Variants in SS18 observed in about 807,000 individuals in gnomAD.
SS18 encodes protein SSXT.
In SS18, 28 loss-of-function variants were observed where a neutral mutation model predicts 72.5. The ratio of observed to expected loss-of-function variants is 0.39; its 90% confidence interval spans 0.29 to 0.53. The LOEUF (loss-of-function observed/expected upper bound fraction) is 0.53, where lower values mean the gene tolerates loss of function less well. SS18 is among the 20% of genes least tolerant of loss of function. SS18 has a pLI of 0.76. For synonymous variants in SS18, 172 were observed against 164.2 expected (o/e 1.05, Z -0.37); for missense variants, 518 against 535.3 (o/e 0.97, Z 0.32).
chr18:26,047,505 C>T (rs2053847023), intron 5 of SS18, among the ~76,000 whole-genome samples: 1 of 151,986 alleles, frequency 6.6e-6, no homozygotes, highest in African/African-American at 2.4e-5. Flanking sequence ...ATGAATATTA[C>T]CATTTCAGAA....
rs1383345474 is a variant in SS18, at chr18:26,080,427, T to TCATGATAC, written c.147-2268_147-2267insGTATCATG. Reference sequence around the variant, plus strand: ...CAGATGTGGTTTATTCATGACCCTTTAAGAAAAAATTTTAGTATCATGTTG... The same window carrying TCATGATAC: ...CAGATGTGGTTTATTCATGACCCTTTCATGATACAAGAAAAAATTTTAGTATCATGTTG... On this transcript the variant is annotated intron_variant, in intron 2 of 10. Coordinates refer to ENST00000415083, the MANE Select transcript of SS18 (RefSeq NM_001007559.3). 3.1e-6 allele frequency: 3 copies of TCATGATAC among 981,756 alleles called. No individual in the cohort carries two copies. The African/African-American group carries it at 5.2e-5, about 17-fold the overall frequency. The allele number at this position is 981,756 out of a possible 1,614,324, so 60.8% of individuals were successfully genotyped here.
At chr18:26,083,267 A>C (rs972273048) in intron 2 of SS18, among the ~76,000 whole-genome samples, 21 of 152,098 alleles carry the variant, frequency 1.4e-4, no homozygotes, top group African/African-American at 5.1e-4. Flanking sequence ...TCATATATAT[A>C]TATCTGAAAA....
At chr18:26,040,132 C>T (rs1290331479) in intron 5 of SS18, among the ~76,000 whole-genome samples, 1 of 152,170 alleles carries the variant, frequency 6.6e-6, no homozygotes, top group Non-Finnish European at 1.5e-5. Context: ...TAAAGACTCT[C>T]ACACCTCTAA....
At chr18:26,072,796 CAAAA>C (rs71169810) in intron 3 of SS18, among the ~76,000 whole-genome samples, 5 of 32,744 alleles carry the variant, frequency 1.5e-4, no homozygotes, top group Non-Finnish European at 1.9e-4. Flanking sequence ...GACTCCGTCT[CAAAA>C]AAAAAAAAAA....
intron 3 of SS18, among the ~76,000 whole-genome samples, chr18:26,069,764 C>A (rs1403034052): frequency 1.3e-5 from 2 of 152,118 alleles, no homozygotes; most frequent in African/African-American, 4.8e-5. Flanking sequence ...CCAAGTTTTT[C>A]TCAAAGAAAC....
In SS18 at chr18:26,057,659, A is replaced by C. The variant is rs778444908; in HGVS notation, c.315T>G (p.Pro105=). Residue 105 remains proline, a synonymous_variant, in exon 4 of 11, where the codon CCT becomes CCG. Transcript: ENST00000415083. ...PPPPPRSHNM[P]SDGMVGGGPP... is the part of the protein sequence containing the mutation. Reference sequence around the variant, plus strand: ...GACCCCCACCTACCATTCCATCTGAAGGCATGTTGTGAGAGCGTGGAGGTG... The same window carrying C: ...GACCCCCACCTACCATTCCATCTGACGGCATGTTGTGAGAGCGTGGAGGTG... The C allele has an allele frequency of 4.3e-6, 7 of 1,613,998 alleles. No homozygotes were observed. The Admixed American group carries it at 1.2e-4, about 27-fold the overall frequency.
chr18:26,050,989 A>T (rs1416528938), intron 5 of SS18, among the ~76,000 whole-genome samples: 2 of 152,144 alleles, frequency 1.3e-5, no homozygotes, highest in African/African-American at 4.8e-5. Flanking sequence ...AATTGTCTTT[A>T]ATCTCTTCAG....
At position 26,025,549 on chromosome 18, in the gene SS18, T is replaced by C. The variant is rs145076796; in HGVS notation, c.1230+6850A>G. ...AGAGAGGTAATATCACTACAGATTA[T>C]GGAGATATTGAGCGATGATAAAGAA... On this transcript the variant is annotated intron_variant, in intron 10 of 10. Coordinates refer to ENST00000415083, the MANE Select transcript of SS18 (RefSeq NM_001007559.3). Among the ~76,000 whole-genome samples, 36 of 152,188 alleles carry C rather than the reference T, an allele frequency of 2.4e-4. 1 individual carries two copies. Among genetic ancestry groups the C allele is most frequent in the African/African-American group, 7.0e-4 (29 of 41,554 alleles).
chr18:26,082,293 G>T, intron 2 of SS18: 2 of 768,198 alleles, frequency 2.6e-6, no homozygotes, highest in Non-Finnish European at 3.2e-6. Context: ...AAGTAAAATG[G>T]ACACTCTATT....
intron 1 of SS18, among the ~76,000 whole-genome samples, chr18:26,088,681 A>C (rs2054659730): frequency 6.6e-6 from 1 of 152,156 alleles, no homozygotes; most frequent in Non-Finnish European, 1.5e-5. Flanking sequence ...CATTTTGAGC[A>C]AGTCACTTAA....
chr18:26,074,433 T>C (rs2054372419), intron 3 of SS18, among the ~76,000 whole-genome samples: 1 of 152,082 alleles, frequency 6.6e-6, no homozygotes, highest in Non-Finnish European at 1.5e-5. Context: ...GAGACTGCAT[T>C]TTCTGCTACA....
chr18:26,034,381 C>G (rs1385198947), intron 9 of SS18, among the ~76,000 whole-genome samples: 2 of 152,080 alleles, frequency 1.3e-5, no homozygotes, highest in Non-Finnish European at 2.9e-5. Flanking sequence ...CCTCGTCATT[C>G]CCCACTCCCT....
In SS18 at chr18:26,057,623, C is replaced by T. The variant is rs200977381; in HGVS notation, c.351G>A (p.Pro117=). ...DGMVGGGPPA[P]HMQNQMNGQM... ...GGCCGTTCATCTGGTTCTGCATGTG[C>T]GGTGCAGGAGGACCCCCACCTACCA... Residue 117 remains proline (P), a synonymous_variant, in exon 4 of 11, where the codon CCG becomes CCA. Coordinates refer to ENST00000415083, the MANE Select transcript of SS18 (RefSeq NM_001007559.3). The T allele has an allele frequency of 1.3e-5, 21 of 1,613,962 alleles. No homozygotes were observed. Among genetic ancestry groups the T allele is most frequent in the East Asian group, 1.1e-4 (5 of 44,880 alleles).
chr18:26,020,055 T>A (rs2053321148), intron 10 of SS18, among the ~76,000 whole-genome samples: 1 of 152,196 alleles, frequency 6.6e-6, no homozygotes, highest in African/African-American at 2.4e-5. Flanking sequence ...TTTCTATATG[T>A]GTTTAAAATA....
intron 7 of SS18, among the ~76,000 whole-genome samples, chr18:26,037,940 A>C (rs897050324): frequency 1.3e-5 from 2 of 152,094 alleles, no homozygotes; most frequent in Admixed American, 6.6e-5. Flanking sequence ...GCCACTTTCT[A>C]CAAAAAAACA....
intron 5 of SS18, among the ~76,000 whole-genome samples, chr18:26,047,259 C>CAAAAAAAAAAA (rs71169806): frequency 4.0e-5 from 3 of 75,716 alleles, no homozygotes; most frequent in South Asian, 6.0e-4. Flanking sequence ...AGTAATATGC[C>CAAAAAAAAAAA]AAAAAAAAAA....
At chr18:26,019,751 C>T (rs564858040) in intron 10 of SS18, among the ~76,000 whole-genome samples, 10 of 124,608 alleles carry the variant, frequency 8.0e-5, no homozygotes, top group African/African-American at 2.8e-4. Flanking sequence ...GCGGAGGTTG[C>T]ACTGCACTCT....
At chr18:26,090,183 C>CT in intron 1 of SS18, 1 of 415,470 alleles carries the variant, frequency 2.4e-6, no homozygotes, top group Non-Finnish European at 4.3e-6. Flanking sequence ...ACGCCCTTCC[C>CT]TGAGCGGCCG....
rs1485350118 is a variant in SS18, at chr18:26,066,269, T to C, written c.232-8527A>G. 4.6e-5 allele frequency among the ~76,000 whole-genome samples: 7 copies of C among 152,178 alleles called. No individual in the cohort carries two copies. In the South Asian group the frequency reaches 1.2e-3, roughly 27 times the overall value. On this transcript the variant is annotated intron_variant, in intron 3 of 10. Transcript: ENST00000415083. ...GCAAATAGAGGTACTCGATAAATATTTGTTGAATGAAAAATGATTGTGCAG... is the reference window on the plus strand; with the variant it reads ...GCAAATAGAGGTACTCGATAAATATCTGTTGAATGAAAAATGATTGTGCAG...
Sources: gnomAD v4.1 joint callset for allele counts (sites outside exome capture counted in the v4.1 genomes callset) on GRCh38, gnomAD v4.1.1 for gene constraint, MANE v1.5 for transcripts, NCBI Gene and HGNC (gene_info 2026-07-23, HGNC 2026-07-21) for gene names.